Variants in GLB1 observed in about 807,000 individuals in gnomAD.
GLB1 encodes beta-galactosidase.
Under a neutral mutation model 74.0 loss-of-function variants are expected in GLB1, and 56 were observed. That is an observed-to-expected ratio of 0.76 (90% CI 0.61 to 0.94). The LOEUF is 0.94. Ranked by LOEUF, GLB1 falls within the 40% of genes least tolerant of loss-of-function variation. The pLI, the probability that GLB1 is intolerant of heterozygous loss-of-function variation, is 0.00. For missense variants in GLB1, 787 were observed against 845.5 expected (o/e 0.93, Z 0.86); for synonymous variants, 323 against 323.6 (o/e 1.00, Z 0.02).
At chr3:33,049,705 C>T (rs995936566) in intron 9 of GLB1, among the ~76,000 whole-genome samples, 3 of 152,078 alleles carry the variant, frequency 2.0e-5, no homozygotes, top group South Asian at 2.1e-4. Flanking sequence ...CGTGAGCCAC[C>T]GCACCCAGCC....
intron 1 of GLB1, 133 bp from the exon 2 acceptor site, chr3:33,072,846 T>C (rs753316474): frequency 7.0e-5 from 99 of 1,420,972 alleles, no homozygotes; most frequent in Admixed American, 2.0e-4. Flanking sequence ...GCTTGTTTTC[T>C]GAGCTATCAT....
At chr3:33,021,824 T>TC (rs950668023) in intron 11 of GLB1, among the ~76,000 whole-genome samples, 169 bp from the exon 12 acceptor site, 44 of 152,302 alleles carry the variant, frequency 2.9e-4, no homozygotes, top group African/African-American at 9.6e-4. Flanking sequence ...TTCAGTCCTC[T>TC]CCATCTACTC....
intron 5 of GLB1, among the ~76,000 whole-genome samples, chr3:33,062,005 G>C (rs1025219664): frequency 6.6e-6 from 1 of 152,096 alleles, no homozygotes; most frequent in African/African-American, 2.4e-5. Flanking sequence ...AAGCCTTCTG[G>C]TCTGACTCAT....
intron 2 of GLB1, among the ~76,000 whole-genome samples, chr3:33,071,315 A>G (rs1374357875): frequency 6.6e-6 from 1 of 152,206 alleles, no homozygotes; most frequent in Admixed American, 6.5e-5. Flanking sequence ...CTAAGTATCT[A>G]TCTTCGGAAT....
At chr3:33,059,726 T>C (rs1307736627) in intron 5 of GLB1, among the ~76,000 whole-genome samples, 1 of 152,214 alleles carries the variant, frequency 6.6e-6, no homozygotes, top group Non-Finnish European at 1.5e-5. Flanking sequence ...CTGACCTTGG[T>C]TGGTGTTTAT....
chr3:33,045,976 C>T, intron 10 of GLB1, 144 bp downstream of exon 10: 2 of 1,161,344 alleles, frequency 1.7e-6, no homozygotes, highest in Non-Finnish European at 1.2e-6. Context: ...GTACAAGATG[C>T]AAACCCAAGT....
At chr3:33,041,859 A>G (rs1441308310) in intron 10 of GLB1, among the ~76,000 whole-genome samples, 5 of 152,056 alleles carry the variant, frequency 3.3e-5, no homozygotes, top group Non-Finnish European at 7.4e-5. Flanking sequence ...CTTTGTCTCA[A>G]GCTGTGCATT....
chr3:33,076,097 A>C (rs879811460), intron 1 of GLB1, among the ~76,000 whole-genome samples: 28 of 152,052 alleles, frequency 1.8e-4, no homozygotes, highest in Non-Finnish European at 3.7e-4. Flanking sequence ...TTCATGTTTT[A>C]ATTGGTCTTG....
At chr3:33,020,994 T>C (rs991735289) in intron 12 of GLB1, among the ~76,000 whole-genome samples, 1 of 152,032 alleles carries the variant, frequency 6.6e-6, no homozygotes, top group African/African-American at 2.4e-5. Context: ...GCAACTTTTT[T>C]TGGATTTAAA....
At chr3:33,020,589 T>C (rs1164299572) in intron 12 of GLB1, among the ~76,000 whole-genome samples, 6 of 152,110 alleles carry the variant, frequency 3.9e-5, no homozygotes, top group Admixed American at 1.3e-4. Context: ...GTCCATGTCA[T>C]GAGAGAGAGA....
chr3:33,092,306 T>A (rs1700797703), intron 1 of GLB1: 9 of 986,828 alleles, frequency 9.1e-6, no homozygotes, highest in Non-Finnish European at 1.1e-5. Flanking sequence ...GAAAAGAAAA[T>A]ATTCTTCTCT....
intron 1 of GLB1, among the ~76,000 whole-genome samples, chr3:33,089,398 T>C (rs1012120832): frequency 2.0e-5 from 3 of 152,108 alleles, no homozygotes; most frequent in Non-Finnish European, 2.9e-5. Context: ...CCAGAATATA[T>C]AAAGAACTCC....
rs1697486996 is a variant in GLB1, at chr3:33,021,600, C to T, written c.1199G>A (p.Ser400Asn). Residue 400 changes from serine to asparagine, a missense_variant, in exon 12 of 16, where the codon AGC (serine) becomes AAC (asparagine). Transcript: ENST00000307363. ...CTGGATAAATGTCAAGGGATAAAGGCTTTTGATGGGCCCAGAGGGACACAG... is the reference window on the plus strand; with the variant it reads ...CTGGATAAATGTCAAGGGATAAAGGTTTTTGATGGGCCCAGAGGGACACAG... ...DILCPSGPIK[S>N]LYPLTFIQVK... 6.2e-7 allele frequency: 1 copy of T among 1,613,964 alleles called. No homozygotes were observed. Among genetic ancestry groups the T allele is most frequent in the Non-Finnish European group, 8.5e-7 (1 of 1,180,018 alleles).
downstream of GLB1, among the ~76,000 whole-genome samples, chr3:32,994,859 T>C (rs1018823602): frequency 2.7e-5 from 4 of 149,350 alleles, no homozygotes; most frequent in Non-Finnish European, 5.9e-5. Context: ...AGGCAAAGTT[T>C]GCAGTGAGCC....
intron 15 of GLB1, among the ~76,000 whole-genome samples, chr3:33,005,852 GT>G (rs149152097): frequency 0.05 from 7,629 of 152,194 alleles, 228 homozygotes; most frequent in Admixed American, 0.064. Flanking sequence ...TCTTTCAACC[GT>G]TTATCATACA....
At chr3:33,012,947 T>A (rs1697090137) in intron 15 of GLB1, among the ~76,000 whole-genome samples, 1 of 152,204 alleles carries the variant, frequency 6.6e-6, no homozygotes, top group South Asian at 2.1e-4. Context: ...AATCCATAAG[T>A]GTCCTTACCC....
Position 33,068,250 on chromosome 3 carries a change from A to C in GLB1, c.437T>G (p.Leu146Arg). Reference sequence around the variant, plus strand: ...CCTACCTGGGTCGGAGGAGCGGAGAAGAATAGACTCTTTCTCTAGCAGCCA... The same window carrying C: ...CCTACCTGGGTCGGAGGAGCGGAGACGAATAGACTCTTTCTCTAGCAGCCA... ...PAWLLEKESI[L>R]LRSSDPDYLA... Residue 146 changes from leucine to arginine, a missense_variant, in exon 4 of 16, where the codon CTT (leucine) becomes CGT (arginine). By Grantham distance (102) the Leu-to-Arg change is moderately radical. Coordinates refer to ENST00000307363, the MANE Select transcript of GLB1 (RefSeq NM_000404.4). The C allele has an allele frequency of 6.2e-7, 1 of 1,614,072 alleles. No individual in the cohort carries two copies. The highest frequency in any genetic ancestry group is 8.5e-7 in the Non-Finnish European group (1 of 1,179,958).
intron 10 of GLB1, among the ~76,000 whole-genome samples, chr3:33,035,126 T>C (rs1698215471): frequency 6.6e-6 from 1 of 151,634 alleles, no homozygotes; most frequent in South Asian, 2.1e-4. Flanking sequence ...TAAAACCAAA[T>C]GATGTTTTTA....
Position 33,068,308 on chromosome 3 carries a change from A to C in GLB1, c.397-18T>G. The C allele has an allele frequency of 6.2e-7, 1 of 1,613,970 alleles. No individual in the cohort carries two copies. Among genetic ancestry groups the C allele is most frequent in the Non-Finnish European group, 8.5e-7 (1 of 1,179,992 alleles). On this transcript the variant is annotated intron_variant, in intron 3 of 15. Transcript: ENST00000307363. ...AATCCTCCCTAGTTCAGGGAAAACA[A>C]GCCATTATAATGTCTGTTCCGTGAA... is the stretch of plus-strand genomic sequence containing the variant.
Sources: gnomAD v4.1 joint callset for allele counts (sites outside exome capture counted in the v4.1 genomes callset) on GRCh38, gnomAD v4.1.1 for gene constraint, MANE v1.5 for transcripts, NCBI Gene and HGNC (gene_info 2026-07-23, HGNC 2026-07-21) for gene names.